ADARB2: variants seen among roughly 807,000 people sequenced by gnomAD.
ADARB2 encodes adenosine deaminase RNA specific B2 (inactive).
In ADARB2, 25 loss-of-function variants were observed where a neutral mutation model predicts 62.2. That is an observed-to-expected ratio of 0.40 (90% CI 0.29 to 0.56). The LOEUF (loss-of-function observed/expected upper bound fraction) is 0.56. ADARB2 is among the 20% of genes least tolerant of loss of function. The pLI is 0.43. For missense variants in ADARB2, 1,071 were observed against 1,077.4 expected (o/e 0.99, Z 0.08); for synonymous variants, 572 against 500.8 (o/e 1.14, Z -1.90).
chr10:1,565,394 C>A (rs2813370), intron 1 of ADARB2, among the ~76,000 whole-genome samples: 109,286 of 151,838 alleles, frequency 0.72, 39,926 homozygotes, highest in East Asian at 0.85. Flanking sequence ...TGTTATGCCT[C>A]CCCTCCCCCT....
chr10:1,400,338 G>A (rs1391776664), intron 1 of ADARB2, among the ~76,000 whole-genome samples: 1 of 152,188 alleles, frequency 6.6e-6, no homozygotes, highest in African/African-American at 2.4e-5. Context: ...ACACACCTCA[G>A]GGCCTGGACT....
At chr10:1,309,636 A>C (rs996396150) in intron 3 of ADARB2, among the ~76,000 whole-genome samples, 9 of 152,234 alleles carry the variant, frequency 5.9e-5, no homozygotes, top group African/African-American at 2.2e-4. Context: ...CATTTCCCCT[A>C]AGCACAAGCC....
At chr10:1,195,527 G>A (rs116844771) in intron 8 of ADARB2, among the ~76,000 whole-genome samples, 17 of 151,902 alleles carry the variant, frequency 1.1e-4, no homozygotes, top group East Asian at 3.9e-4. Context: ...CAGAGACGAC[G>A]TTGAAAGGTT....
chr10:1,517,216 G>A (rs1049229468), intron 1 of ADARB2, among the ~76,000 whole-genome samples: 1 of 152,182 alleles, frequency 6.6e-6, no homozygotes, highest in Admixed American at 6.5e-5. Flanking sequence ...GGGCACTACC[G>A]TATGTGCTTA....
intron 1 of ADARB2, among the ~76,000 whole-genome samples, chr10:1,415,483 T>C (rs558525143): frequency 5.2e-4 from 40 of 76,924 alleles, no homozygotes; most frequent in African/African-American, 1.4e-3. Context: ...GGATGATTGA[T>C]ACATGAGTTG....
intron 7 of ADARB2, among the ~76,000 whole-genome samples, chr10:1,214,790 C>T (rs1257764426): frequency 6.6e-6 from 1 of 152,242 alleles, no homozygotes; most frequent in Non-Finnish European, 1.5e-5. Context: ...AGGAAGAATA[C>T]ATTTTCTTTT....
At chr10:1,349,538 C>A (rs1052360300) in intron 3 of ADARB2, among the ~76,000 whole-genome samples, 1 of 152,196 alleles carries the variant, frequency 6.6e-6, no homozygotes. Context: ...GACCGACCAG[C>A]CCAAGGAACA....
intron 1 of ADARB2, among the ~76,000 whole-genome samples, chr10:1,568,255 C>T (rs1472094744): frequency 1.3e-5 from 2 of 152,178 alleles, no homozygotes; most frequent in Non-Finnish European, 1.5e-5. Flanking sequence ...CTATATTGGT[C>T]TAGATGGAGC....
intron 1 of ADARB2, among the ~76,000 whole-genome samples, chr10:1,644,449 C>T (rs1208043285): frequency 6.6e-6 from 1 of 152,322 alleles, no homozygotes; most frequent in South Asian, 2.1e-4. Context: ...CAAGCTCGGT[C>T]GGGGGAGCAG....
intron 1 of ADARB2, among the ~76,000 whole-genome samples, chr10:1,663,784 T>C (rs916890496): frequency 1.3e-5 from 2 of 152,104 alleles, no homozygotes; most frequent in African/African-American, 4.8e-5. Context: ...CATGCCTGGC[T>C]AATTTTTGTA....
chr10:1,399,727 T>A (rs747697898), intron 1 of ADARB2, among the ~76,000 whole-genome samples: 4 of 152,228 alleles, frequency 2.6e-5, no homozygotes, highest in Non-Finnish European at 5.9e-5. Context: ...TGTACCAGCT[T>A]GTCACTGAGT....
At chr10:1,580,623 C>T (rs980621739) in intron 1 of ADARB2, among the ~76,000 whole-genome samples, 6 of 152,024 alleles carry the variant, frequency 3.9e-5, no homozygotes, top group African/African-American at 1.4e-4. Context: ...TTATCAAGTC[C>T]ACAGATTAAG....
intron 1 of ADARB2, among the ~76,000 whole-genome samples, chr10:1,414,238 G>A (rs1438384981): frequency 6.6e-6 from 1 of 152,212 alleles, no homozygotes; most frequent in Non-Finnish European, 1.5e-5. Context: ...GGGAAAAGCT[G>A]AGTGTCGGGA....
At chr10:1,479,168 C>T (rs957214272) in intron 1 of ADARB2, among the ~76,000 whole-genome samples, 1 of 152,198 alleles carries the variant, frequency 6.6e-6, no homozygotes, top group Non-Finnish European at 1.5e-5. Context: ...AGCTGCAGTA[C>T]AGAGTCCAAT....
chr10:1,720,287 T>C (rs1015115282), intron 1 of ADARB2, among the ~76,000 whole-genome samples: 3 of 152,136 alleles, frequency 2.0e-5, no homozygotes, highest in African/African-American at 4.8e-5. Context: ...GAAAACCAAA[T>C]ACCACATGTT....
At chr10:1,697,450 T>G (rs1045770532) in intron 1 of ADARB2, among the ~76,000 whole-genome samples, 1 of 152,074 alleles carries the variant, frequency 6.6e-6, no homozygotes, top group African/African-American at 2.4e-5. Context: ...GCCCCATCAC[T>G]GGAGGCATCG....
intron 1 of ADARB2, among the ~76,000 whole-genome samples, chr10:1,634,606 T>C (rs1833891142): frequency 6.6e-6 from 1 of 152,228 alleles, no homozygotes; most frequent in Admixed American, 6.5e-5. Flanking sequence ...TATTGTCATA[T>C]ACTTGGCAAG....
chr10:1,370,327 C>G (rs564001570), intron 2 of ADARB2, among the ~76,000 whole-genome samples: 21 of 152,340 alleles, frequency 1.4e-4, no homozygotes, highest in Admixed American at 3.3e-4. Flanking sequence ...CCATCTATGA[C>G]AAACCCACAG....
chr10:1,720,900 T>C (rs1243534480), intron 1 of ADARB2, among the ~76,000 whole-genome samples: 1 of 152,240 alleles, frequency 6.6e-6, no homozygotes, highest in African/African-American at 2.4e-5. Flanking sequence ...GCAGTGCTTC[T>C]GTCTGGAAGG....
Sources: allele counts gnomAD v4.1 joint callset (sites outside exome capture counted in the v4.1 genomes callset), GRCh38; gene constraint gnomAD v4.1.1; transcripts MANE v1.5; gene names NCBI Gene and HGNC (gene_info 2026-07-23, HGNC 2026-07-21).